STK24: variants seen among roughly 807,000 people sequenced by gnomAD.
STK24 encodes serine/threonine-protein kinase 24.
Under a neutral mutation model 55.6 loss-of-function variants are expected in STK24, and 21 were observed. That is an observed-to-expected ratio of 0.38 (90% CI 0.27 to 0.54). STK24 has a LOEUF of 0.54. STK24 is among the 20% of genes least tolerant of loss of function. STK24 has a pLI of 0.79. For missense variants in STK24, 383 were observed against 538.4 expected (o/e 0.71, Z 2.86); for synonymous variants, 200 against 215.2 (o/e 0.93, Z 0.62).
intron 2 of STK24, among the ~76,000 whole-genome samples, chr13:98,494,412 CAA>C (rs1162677599): frequency 7.5e-5 from 5 of 66,724 alleles, no homozygotes; most frequent in African/African-American, 2.1e-4. Context: ...AGACTCGTCT[CAA>C]AAAAAAAAAA....
Position 98,448,302 on chromosome 13 carries a change from G to GTCTC in STK24, c.*4867_*4870dup, listed in dbSNP as rs1892990161. 1 of 1,613,368 alleles carries GTCTC rather than the reference G, an allele frequency of 6.2e-7. No homozygotes were observed. Among genetic ancestry groups the GTCTC allele is most frequent in the Non-Finnish European group, 8.5e-7 (1 of 1,179,278 alleles). On this transcript the variant is annotated 3_prime_UTR_variant, in exon 11 of 11. Coordinates refer to ENST00000539966, the MANE Select transcript of STK24 (RefSeq NM_001032296.4). ...GACCCCACGTGTTGAGTCACAAAGA[G>GTCTC]TCTCTTGTGTATTGATGGCCGGACA...
intron 1 of STK24, among the ~76,000 whole-genome samples, chr13:98,534,293 CA>C (rs1188883286): frequency 6.6e-6 from 1 of 152,216 alleles, no homozygotes; most frequent in Non-Finnish European, 1.5e-5. Context: ...AAAATTCTAA[CA>C]GTGAGAAAAT....
chr13:98,532,994 G>A (rs1896621864), intron 1 of STK24, among the ~76,000 whole-genome samples: 1 of 152,310 alleles, frequency 6.6e-6, no homozygotes, highest in East Asian at 1.9e-4. Context: ...AGGACAAGCT[G>A]AATAAATATC....
chr13:98,509,470 G>C (rs1420685858), intron 2 of STK24, among the ~76,000 whole-genome samples: 1 of 151,294 alleles, frequency 6.6e-6, no homozygotes, highest in Non-Finnish European at 1.5e-5. Flanking sequence ...ACTGAAAACA[G>C]TCTCAACAGT....
At chr13:98,495,304 C>T (rs1167106544) in intron 2 of STK24, among the ~76,000 whole-genome samples, 5 of 152,160 alleles carry the variant, frequency 3.3e-5, no homozygotes, top group Non-Finnish European at 7.3e-5. Flanking sequence ...CATTTGTGAT[C>T]TCTTGTATCA....
intron 3 of STK24, among the ~76,000 whole-genome samples, chr13:98,476,286 A>T (rs1303969930): frequency 7.0e-6 from 1 of 143,584 alleles, no homozygotes; most frequent in African/African-American, 2.5e-5. Context: ...CACAAACAGT[A>T]ATTCCACAGA....
chr13:98,548,202 T>A (rs562726297), intron 1 of STK24, among the ~76,000 whole-genome samples: 12 of 152,330 alleles, frequency 7.9e-5, no homozygotes, highest in Non-Finnish European at 1.6e-4. Flanking sequence ...TTCCTGGGGC[T>A]AAAAATAAGA....
At chr13:98,558,349 G>T (rs1407623835) in intron 1 of STK24, among the ~76,000 whole-genome samples, 1 of 152,190 alleles carries the variant, frequency 6.6e-6, no homozygotes, top group Non-Finnish European at 1.5e-5. Context: ...AATTTTGACA[G>T]GAGGAATCCT....
intron 2 of STK24, among the ~76,000 whole-genome samples, chr13:98,510,740 C>T (rs371484218): frequency 9.2e-5 from 14 of 152,160 alleles, no homozygotes; most frequent in African/African-American, 3.4e-4. Context: ...AAAGGAGACT[C>T]GGGAATCTGG....
intron 9 of STK24, among the ~76,000 whole-genome samples, chr13:98,457,787 A>C (rs1410937617): frequency 6.6e-6 from 1 of 152,180 alleles, no homozygotes; most frequent in Non-Finnish European, 1.5e-5. Context: ...CTTTTGAAGA[A>C]AGGTGATTCA....
At position 98,451,848 on chromosome 13, in the gene STK24, G is replaced by A. The variant is rs1387090367; in HGVS notation, c.*1325C>T. The A allele has an allele frequency of 1.3e-5, 2 of 152,290 alleles. No individual in the cohort carries two copies. Among genetic ancestry groups the A allele is most frequent in the African/African-American group, 4.8e-5 (2 of 41,418 alleles). 9.4% of individuals were successfully genotyped at this position (152,290 alleles called of 1,614,324 possible). A position where few individuals can be genotyped will look rare whatever the true frequency, so the allele number is the denominator to read the frequency against. ...GTCCCACAGCAAACCAAGAAAAACAGACACACTGGCTGCCTGCCTAGCAAG... is the reference window on the plus strand; with the variant it reads ...GTCCCACAGCAAACCAAGAAAAACAAACACACTGGCTGCCTGCCTAGCAAG... On this transcript the variant is annotated 3_prime_UTR_variant, in exon 11 of 11. Coordinates refer to ENST00000539966, the MANE Select transcript of STK24 (RefSeq NM_001032296.4).
chr13:98,556,933 G>A (rs535643160), intron 1 of STK24, among the ~76,000 whole-genome samples: 5 of 152,268 alleles, frequency 3.3e-5, no homozygotes, highest in South Asian at 4.2e-4. Flanking sequence ...AACTCCTGTC[G>A]TCTAAGAAAT....
chr13:98,551,593 T>C (rs1358084510), intron 1 of STK24, among the ~76,000 whole-genome samples: 1 of 152,048 alleles, frequency 6.6e-6, no homozygotes, highest in Non-Finnish European at 1.5e-5. Context: ...TGCAGTCCAC[T>C]CTGTGAAGAG....
At chr13:98,539,743 T>C (rs1442460949) in intron 1 of STK24, among the ~76,000 whole-genome samples, 1 of 152,072 alleles carries the variant, frequency 6.6e-6, no homozygotes, top group East Asian at 1.9e-4. Context: ...GGGAGCAAAA[T>C]GACGTGGCCA....
intron 1 of STK24, among the ~76,000 whole-genome samples, chr13:98,559,021 A>AC (rs1897347681): frequency 1.3e-5 from 2 of 149,562 alleles, no homozygotes. Flanking sequence ...AAAAAAAAAA[A>AC]AAAAAAAAAA....
At chr13:98,456,581 G>A (rs1439342324) in intron 10 of STK24, 2 of 486,766 alleles carry the variant, frequency 4.1e-6, no homozygotes, top group East Asian at 1.3e-4. Flanking sequence ...TTGGGAGGGG[G>A]CAGGGAGGGC....
chr13:98,513,394 C>T (rs1389768602), intron 2 of STK24, among the ~76,000 whole-genome samples: 1 of 152,238 alleles, frequency 6.6e-6, no homozygotes, highest in Non-Finnish European at 1.5e-5. Flanking sequence ...CTGGGTGAGT[C>T]CCTGTGTGGA....
chr13:98,554,456 C>T (rs76107750), intron 1 of STK24, among the ~76,000 whole-genome samples: 2,426 of 152,284 alleles, frequency 0.016, 60 homozygotes, highest in African/African-American at 0.054. Context: ...ATCTAAAACA[C>T]TGCACCTCTC....
intron 2 of STK24, among the ~76,000 whole-genome samples, chr13:98,506,804 A>T (rs1411843107): frequency 6.6e-6 from 1 of 152,220 alleles, no homozygotes; most frequent in African/African-American, 2.4e-5. Flanking sequence ...ACTACCCAAT[A>T]AATACGGTGG....
Sources: allele counts gnomAD v4.1 joint callset (sites outside exome capture counted in the v4.1 genomes callset), GRCh38; gene constraint gnomAD v4.1.1; transcripts MANE v1.5; gene names NCBI Gene and HGNC (gene_info 2026-07-23, HGNC 2026-07-21).